CTNNA1: variants seen among roughly 807,000 people sequenced by gnomAD.
CTNNA1 encodes catenin alpha 1.
Under a neutral mutation model 98.4 loss-of-function variants are expected in CTNNA1, and 37 were observed. The ratio of observed to expected loss-of-function variants is 0.38; its 90% CI spans 0.29 to 0.49. The LOEUF is 0.49. CTNNA1 is among the 20% of genes least tolerant of loss of function. The pLI, the probability that CTNNA1 is intolerant of heterozygous loss-of-function variation, is 0.95. For missense variants in CTNNA1, 761 were observed against 1,147.2 expected (o/e 0.66, Z 4.86); for synonymous variants, 404 against 413.2 (o/e 0.98, Z 0.27).
chr5:138,776,278 C>T (rs372016424), intron 1 of CTNNA1, among the ~76,000 whole-genome samples: 3 of 151,932 alleles, frequency 2.0e-5, no homozygotes, highest in African/African-American at 4.8e-5. Context: ...AGCATCTGTT[C>T]AACAAAGCAC....
chr5:138,786,620 T>G (rs1426022690), intron 3 of CTNNA1, among the ~76,000 whole-genome samples: 1 of 152,170 alleles, frequency 6.6e-6, no homozygotes, highest in Non-Finnish European at 1.5e-5. Flanking sequence ...CCACTCCACT[T>G]TTTCTCATGG....
chr5:138,783,425 A>G lies in CTNNA1; in HGVS notation c.301+53A>G, dbSNP rs560894215. 1.0e-3 allele frequency: 1,512 copies of G among 1,493,760 alleles called. 1 individual carries two copies. Among genetic ancestry groups the G allele is most frequent in the Non-Finnish European group, 1.2e-3 (1,361 of 1,097,584 alleles). 92.5% of individuals were successfully genotyped at this position (1,493,760 alleles called of 1,614,324 possible). A position where few individuals can be genotyped will look rare whatever the true frequency, so the allele number is the denominator to read the frequency against. On this transcript the variant is annotated intron_variant, in intron 3 of 17. Coordinates refer to ENST00000302763, the MANE Select transcript of CTNNA1 (RefSeq NM_001903.5). ...GAGAGGCAGGCCTTTCTAGAAAATC[A>G]GTGTTTGAAGATTTTTTTTGTGGTC...
intron 16 of CTNNA1, chr5:138,931,625 A>C: frequency 1.0e-6 from 1 of 985,434 alleles, no homozygotes; most frequent in Non-Finnish European, 1.2e-6. Flanking sequence ...GACACAAACC[A>C]GTCTTGTCCT....
chr5:138,902,069 A>T (rs115174866), intron 9 of CTNNA1, among the ~76,000 whole-genome samples: 1,697 of 152,300 alleles, frequency 0.011, 29 homozygotes, highest in African/African-American at 0.039. Context: ...AGTACACCAG[A>T]AATATTTTAA....
At chr5:138,823,745 C>T (rs1282888039) in intron 5 of CTNNA1, among the ~76,000 whole-genome samples, 1 of 151,838 alleles carries the variant, frequency 6.6e-6, no homozygotes, top group Non-Finnish European at 1.5e-5. Flanking sequence ...ATCACGAGGT[C>T]AGGAGATCGA....
In CTNNA1 at chr5:138,812,275, G is replaced by C. The variant is rs1758900821; in HGVS notation, c.561G>C (p.Leu187=). The C allele has an allele frequency of 6.2e-7, 1 of 1,613,464 alleles. No homozygotes were observed. Residue 187 remains leucine, a synonymous_variant, in exon 5 of 18, where the codon CTG becomes CTC. Coordinates refer to ENST00000302763, the MANE Select transcript of CTNNA1 (RefSeq NM_001903.5). Reference sequence around the variant, plus strand: ...CCCTAAAACCTGAAGTGGATAAGCTGAACATTATGGCAGCCAAAAGACAAC... The same window carrying C: ...CCCTAAAACCTGAAGTGGATAAGCTCAACATTATGGCAGCCAAAAGACAAC... The part of the protein sequence containing the change: ...YKALKPEVDK[L]NIMAAKRQQE...
In CTNNA1 at chr5:138,874,694, GA is replaced by G; in HGVS notation, c.1063-11513del. 1 of 746,242 alleles carries G rather than the reference GA, an allele frequency of 1.3e-6. No homozygotes were observed. The highest frequency in any genetic ancestry group is 2.7e-5 in the East Asian group (1 of 36,826). The allele number at this position is 746,242 out of a possible 1,614,324, so 46.2% of individuals were successfully genotyped here. A position where few individuals can be genotyped will look rare whatever the true frequency, so the allele number is the denominator to read the frequency against. On this transcript the variant is annotated intron_variant, in intron 7 of 17. Transcript: ENST00000302763. The surrounding 1 kb of genome is among the most constrained non-coding windows in gnomAD (Gnocchi z 4.1). ...TATAACTTATTTTTCATTTACTGCA[GA>G]AAAATTAACCTTATTGGTATGACTG...
chr5:138,875,618 G>A (rs762707753), intron 7 of CTNNA1: 7 of 985,468 alleles, frequency 7.1e-6, no homozygotes, highest in Non-Finnish European at 8.4e-6. Flanking sequence ...TTAGCAGAGT[G>A]ATGATTTTTA....
chr5:138,829,325 A>G (rs932728985), intron 7 of CTNNA1, among the ~76,000 whole-genome samples: 3 of 152,220 alleles, frequency 2.0e-5, no homozygotes, highest in African/African-American at 7.2e-5. Flanking sequence ...GCAGTCTTAA[A>G]CAGGGGAACA....
intron 3 of CTNNA1, among the ~76,000 whole-genome samples, chr5:138,806,990 C>T (rs1032655987): frequency 1.3e-5 from 2 of 149,196 alleles, no homozygotes; most frequent in African/African-American, 4.9e-5. Flanking sequence ...TGTGTAGTGC[C>T]ATAGAGTAGA....
rs750151529 is a variant in CTNNA1 at position 138,874,964 on chromosome 5, A to C, written c.1063-11248A>C. On this transcript the variant is annotated intron_variant, in intron 7 of 17. Transcript: ENST00000302763. The surrounding 1 kb of genome is among the most constrained non-coding windows in gnomAD (Gnocchi z 4.1). ...CAGTCGCGGTTGTTAGACTCAACGCAGTGAGTCTGTAAAAGGCTCTAACAT... is the reference window on the plus strand; with the variant it reads ...CAGTCGCGGTTGTTAGACTCAACGCCGTGAGTCTGTAAAAGGCTCTAACAT... 6.3e-7 allele frequency: 1 copy of C among 1,598,148 alleles called. No homozygotes were observed.
chr5:138,926,180 G>A (rs1284214213), intron 13 of CTNNA1, among the ~76,000 whole-genome samples: 1 of 152,146 alleles, frequency 6.6e-6, no homozygotes, highest in African/African-American at 2.4e-5. Flanking sequence ...CTCGAGTCCT[G>A]CAACTCCCAG....
chr5:138,828,911 C>A (rs1322417765), intron 7 of CTNNA1, among the ~76,000 whole-genome samples: 1 of 152,170 alleles, frequency 6.6e-6, no homozygotes, highest in Non-Finnish European at 1.5e-5. Context: ...ATTGCGTGAG[C>A]CCAAGAGTTT....
In CTNNA1 at chr5:138,777,836, T is replaced by TGGGAGACCGTGGAAAGAGAGGGAGA. The variant is rs1754528809; in HGVS notation, c.-2-4074_-2-4050dup. Among the ~76,000 whole-genome samples, 6 of 140,042 alleles carry TGGGAGACCGTGGAAAGAGAGGGAGA rather than the reference T, an allele frequency of 4.3e-5. 1 individual carries two copies. The allele number at this position is 140,042 out of a possible 152,430, so 91.9% of individuals were successfully genotyped here. On this transcript the variant is annotated intron_variant, in intron 1 of 17. Coordinates refer to ENST00000302763, the MANE Select transcript of CTNNA1 (RefSeq NM_001903.5). ...CAGTCCAGCTTCAGCTCGGCATCAG[T>TGGGAGACCGTGGAAAGAGAGGGAGA]GGGAGACCGTGGAAAGAGAGGGAGA...
intron 7 of CTNNA1, among the ~76,000 whole-genome samples, chr5:138,866,685 G>T (rs971993671): frequency 2.0e-5 from 3 of 152,146 alleles, no homozygotes; most frequent in Non-Finnish European, 4.4e-5. Context: ...GGCTTCGCAG[G>T]ATAGGATGCT....
At chr5:138,900,246 C>T (rs556291573) in intron 9 of CTNNA1, among the ~76,000 whole-genome samples, 2 of 152,242 alleles carry the variant, frequency 1.3e-5, no homozygotes, top group Admixed American at 1.3e-4. Context: ...CCCAGGGGCA[C>T]AGGGGAAGAG....
At chr5:138,856,273 T>G (rs564144021) in intron 7 of CTNNA1, among the ~76,000 whole-genome samples, 1 of 152,342 alleles carries the variant, frequency 6.6e-6, no homozygotes, top group East Asian at 1.9e-4. Flanking sequence ...TAAGATACTC[T>G]TTTGTAGTGT....
At chr5:138,833,918 CTGG>C (rs1761526469) in intron 7 of CTNNA1, among the ~76,000 whole-genome samples, 1 of 152,130 alleles carries the variant, frequency 6.6e-6, no homozygotes, top group Non-Finnish European at 1.5e-5. Flanking sequence ...AATGCAGTAA[CTGG>C]ACATACTTTG....
At chr5:138,925,854 G>T (rs1015386907) in intron 13 of CTNNA1, among the ~76,000 whole-genome samples, 4 of 152,206 alleles carry the variant, frequency 2.6e-5, no homozygotes, top group Non-Finnish European at 5.9e-5. Context: ...GGCCCCAGGT[G>T]ATGCTCCTAG....
Sources: gnomAD v4.1 joint callset for allele counts (sites outside exome capture counted in the v4.1 genomes callset) on GRCh38, gnomAD v4.1.1 for gene constraint, Gnocchi (gnomAD v3.1) non-coding constraint, MANE v1.5 for transcripts, NCBI Gene and HGNC (gene_info 2026-07-23, HGNC 2026-07-21) for gene names.